FBXW7: variants seen among roughly 807,000 people sequenced by gnomAD.
FBXW7 encodes the protein F-box and WD repeat domain containing 7.
In FBXW7, 11 loss-of-function variants were observed where a neutral mutation model predicts 86.3. The ratio of observed to expected loss-of-function variants is 0.13; its 90% CI spans 0.08 to 0.21. The LOEUF is 0.21. Ranked by LOEUF, FBXW7 falls within the 10% of genes least tolerant of loss-of-function variation. FBXW7 has a pLI of 1.00. For synonymous variants in FBXW7, 313 were observed against 297.9 expected (o/e 1.05, Z -0.52); for missense variants, 488 against 847.4 (o/e 0.58, Z 5.27).
chr4:152,357,970 C>CACAG (rs1244381775), intron 4 of FBXW7, among the ~76,000 whole-genome samples: 1 of 152,118 alleles, frequency 6.6e-6, no homozygotes, highest in African/African-American at 2.4e-5. Flanking sequence ...TCTACTTTTT[C>CACAG]ACAGACAGCC....
At chr4:152,485,365 T>TA (rs1484892360) in intron 2 of FBXW7, among the ~76,000 whole-genome samples, 2 of 152,114 alleles carry the variant, frequency 1.3e-5, no homozygotes, top group Non-Finnish European at 1.5e-5. Context: ...ACGCTATAAA[T>TA]AAAAAACTGC....
chr4:152,362,613 A>T (rs1733077572), intron 4 of FBXW7, among the ~76,000 whole-genome samples: 1 of 151,948 alleles, frequency 6.6e-6, no homozygotes, highest in Non-Finnish European at 1.5e-5. Flanking sequence ...GTTCAAGATC[A>T]AGTTCACCAG....
At chr4:152,448,493 G>C (rs750269319) in intron 2 of FBXW7, among the ~76,000 whole-genome samples, 5 of 152,112 alleles carry the variant, frequency 3.3e-5, no homozygotes, top group Non-Finnish European at 7.4e-5. Flanking sequence ...CTCTGCAACT[G>C]GTCTGATGTA....
chr4:152,474,015 A>G (rs1371578014), intron 2 of FBXW7, among the ~76,000 whole-genome samples: 1 of 152,218 alleles, frequency 6.6e-6, no homozygotes, highest in Non-Finnish European at 1.5e-5. Flanking sequence ...GACAAATACT[A>G]GACAGACTAG....
intron 4 of FBXW7, among the ~76,000 whole-genome samples, chr4:152,400,360 T>C (rs1736816517): frequency 6.6e-6 from 1 of 152,116 alleles, no homozygotes; most frequent in Non-Finnish European, 1.5e-5. Flanking sequence ...AAAACCTAAA[T>C]GGCCTTGGGT....
At chr4:152,460,013 T>G (rs1468874238) in intron 2 of FBXW7, among the ~76,000 whole-genome samples, 1 of 152,186 alleles carries the variant, frequency 6.6e-6, no homozygotes, top group Admixed American at 6.5e-5. Context: ...TACTGCTTAG[T>G]AGGTACAGAG....
chr4:152,531,866 T>G (rs1232565346), intron 2 of FBXW7, among the ~76,000 whole-genome samples: 1 of 150,790 alleles, frequency 6.6e-6, no homozygotes, highest in Non-Finnish European at 1.5e-5. Flanking sequence ...CTATATACCC[T>G]ATTTAAAAAA....
At chr4:152,334,657 A>G (rs1451077200) in intron 7 of FBXW7, among the ~76,000 whole-genome samples, 2 of 152,190 alleles carry the variant, frequency 1.3e-5, no homozygotes, top group Non-Finnish European at 2.9e-5. Context: ...GTACATCCCC[A>G]AATCACCAGG....
chr4:152,527,865 T>TATACACACACACACACACACACAC (rs1554003395), intron 2 of FBXW7, among the ~76,000 whole-genome samples: 1 of 137,394 alleles, frequency 7.3e-6, no homozygotes, highest in African/African-American at 3.1e-5. Context: ...AAAAATTATA[T>TATACACACACACACACACACACAC]ACACACACAC....
At chr4:152,513,530 G>C (rs1748187250) in intron 2 of FBXW7, among the ~76,000 whole-genome samples, 2 of 152,254 alleles carry the variant, frequency 1.3e-5, no homozygotes, top group Non-Finnish European at 1.5e-5. Context: ...ATGTGAACAG[G>C]AAGGAATTAT....
intron 4 of FBXW7, chr4:152,382,509 G>A (rs1735183613): frequency 8.4e-7 from 1 of 1,187,682 alleles, no homozygotes; most frequent in Non-Finnish European, 1.0e-6. Context: ...GTCCTGACCT[G>A]TCTGAGGCTT....
chr4:152,344,221 G>T (rs34273181), intron 6 of FBXW7, among the ~76,000 whole-genome samples: 2,071 of 152,182 alleles, frequency 0.014, 25 homozygotes, highest in Middle Eastern at 0.037. Context: ...TTAGGCAAGT[G>T]AATCATTTCT....
At chr4:152,367,361 T>A (rs1243115996) in intron 4 of FBXW7, among the ~76,000 whole-genome samples, 2 of 152,130 alleles carry the variant, frequency 1.3e-5, no homozygotes, top group Non-Finnish European at 2.9e-5. Context: ...AAGTTCTATT[T>A]CCTTTAAAAT....
intron 2 of FBXW7, among the ~76,000 whole-genome samples, chr4:152,531,861 T>C (rs1348007198): frequency 2.6e-5 from 4 of 151,178 alleles, no homozygotes; most frequent in Non-Finnish European, 5.9e-5. Flanking sequence ...GGGACCTATA[T>C]ACCCTATTTA....
At chr4:152,420,148 C>T (rs1217710627) in intron 2 of FBXW7, among the ~76,000 whole-genome samples, 1 of 152,100 alleles carries the variant, frequency 6.6e-6, no homozygotes, top group Non-Finnish European at 1.5e-5. Flanking sequence ...ATTCTAAGTC[C>T]TTTGTTGATA....
At chr4:152,440,856 TTCTC>T (rs959358829) in intron 2 of FBXW7, among the ~76,000 whole-genome samples, 1 of 152,168 alleles carries the variant, frequency 6.6e-6, no homozygotes, top group Non-Finnish European at 1.5e-5. Context: ...CCACTTTCTA[TTCTC>T]TCTACCAATT....
At position 152,405,095 on chromosome 4, in the gene FBXW7, T is replaced by TAAAAAA. The variant is rs11394424; in HGVS notation, c.501+6202_501+6207dup. The stretch of plus-strand genomic sequence containing the variant: ...TGGGCAACAAAGCAAGACCTTGTCT[T>TAAAAAA]AAAAAAAAAAAAAAAAAAAAAAAGA... On this transcript the variant is annotated intron_variant, in intron 4 of 13. Coordinates refer to ENST00000281708, the MANE Select transcript of FBXW7 (RefSeq NM_001349798.2). 1.9e-4 allele frequency among the ~76,000 whole-genome samples: 15 copies of TAAAAAA among 79,020 alleles called. 1 individual carries two copies. In the South Asian group the frequency reaches 3.7e-3, roughly 19 times the overall value. 51.8% of individuals were successfully genotyped at this position (79,020 alleles called of 152,430 possible). A position where few individuals can be genotyped will look rare whatever the true frequency, so the allele number is the denominator to read the frequency against.
chr4:152,534,560 G>A (rs1443739742), intron 2 of FBXW7, among the ~76,000 whole-genome samples: 1 of 152,132 alleles, frequency 6.6e-6, no homozygotes, highest in Non-Finnish European at 1.5e-5. Context: ...GAACCTATAT[G>A]AGAGTACCCC....
intron 6 of FBXW7, among the ~76,000 whole-genome samples, chr4:152,342,374 G>A (rs952295206): frequency 4.6e-5 from 7 of 152,302 alleles, no homozygotes; most frequent in African/African-American, 4.8e-5. Context: ...GCTTGGTCCA[G>A]GCCAGTGGTT....
Sources: allele counts gnomAD v4.1 joint callset (sites outside exome capture counted in the v4.1 genomes callset), GRCh38; gene constraint gnomAD v4.1.1; transcripts MANE v1.5; gene names NCBI Gene and HGNC (gene_info 2026-07-23, HGNC 2026-07-21).